ASXL2: variants seen among roughly 807,000 people sequenced by gnomAD.
ASXL2 encodes the protein putative Polycomb group protein ASXL2.
Under a neutral mutation model 122.0 loss-of-function variants are expected in ASXL2, and 23 were observed. The ratio of observed to expected loss-of-function variants is 0.19; its 90% CI spans 0.14 to 0.27. The LOEUF is 0.27. Ranked by LOEUF, ASXL2 falls within the 10% of genes least tolerant of loss-of-function variation. The probability of loss-of-function intolerance (pLI) is 1.00; values close to 1 mark genes in which losing one functional copy is unlikely to be tolerated. For synonymous variants in ASXL2, 650 were observed against 637.0 expected (o/e 1.02, Z -0.31); for missense variants, 1,518 against 1,713.8 (o/e 0.89, Z 2.02).
chr2:25,808,025 T>TCC (rs1553700936), intron 3 of ASXL2, among the ~76,000 whole-genome samples: 4 of 57,488 alleles, frequency 7.0e-5, no homozygotes, highest in Non-Finnish European at 2.0e-4. Flanking sequence ...ACACACACTC[T>TCC]CCACCCCAAA....
At chr2:25,864,397 T>G (rs562093166) in intron 1 of ASXL2, among the ~76,000 whole-genome samples, 1 of 152,150 alleles carries the variant, frequency 6.6e-6, no homozygotes, top group East Asian at 1.9e-4. Flanking sequence ...TGAAATCCAG[T>G]TTCGCAAACT....
chr2:25,743,959 G>A lies in ASXL2; in HGVS notation c.2378C>T (p.Pro793Leu). ...CAATTTCTCTATGTGGGCTGGTGAT[G>A]GGACACTTGTGCATGCTCCACTGAC... ...PAVSGACTSV[P>L]SPAHIEKLDN... The change falls in exon 13 of 13, where the codon CCA (proline) becomes CTA (leucine). Residue 793 changes from proline to leucine, a missense_variant. Physicochemically the swap from Pro to Leu is moderately conservative, Grantham distance 98. Around this residue, in one of 8 missense-constraint regions of ASXL2, gnomAD observed 831 missense variants for 833.1 expected, o/e 1.00. Coordinates refer to ENST00000435504, the MANE Select transcript of ASXL2 (RefSeq NM_018263.6). The A allele has an allele frequency of 1.9e-6, 3 of 1,613,980 alleles. No homozygotes were observed. The highest frequency in any genetic ancestry group is 2.5e-6 in the Non-Finnish European group (3 of 1,179,890).
intron 8 of ASXL2, among the ~76,000 whole-genome samples, chr2:25,761,672 C>CAAA (rs1184631489): frequency 7.0e-5 from 4 of 56,866 alleles, no homozygotes; most frequent in Admixed American, 1.8e-4. Context: ...GACTCCGTCT[C>CAAA]AAAAAAAAAA....
At chr2:25,787,011 A>T (rs191200063) in intron 5 of ASXL2, among the ~76,000 whole-genome samples, 3 of 151,840 alleles carry the variant, frequency 2.0e-5, no homozygotes, top group Admixed American at 2.0e-4. Context: ...AATTGCCATT[A>T]TTCATAAATT....
chr2:25,841,744 G>C, intron 2 of ASXL2, among the ~76,000 whole-genome samples: 1 of 152,122 alleles, frequency 6.6e-6, no homozygotes, highest in East Asian at 1.9e-4. Flanking sequence ...TCAGGAGATC[G>C]AGACCATCCT....
At chr2:25,753,661 A>G in intron 10 of ASXL2, 22 bp from the exon 11 acceptor site, 1 of 1,555,534 alleles carries the variant, frequency 6.4e-7, no homozygotes, top group South Asian at 1.2e-5. Flanking sequence ...CCAAAAAAGG[A>G]TATTCAATAG....
intron 8 of ASXL2, among the ~76,000 whole-genome samples, chr2:25,764,390 CCACA>C (rs1437187404): frequency 6.6e-6 from 1 of 152,050 alleles, no homozygotes; most frequent in African/African-American, 2.4e-5. Context: ...CTGTTGTGGG[CCACA>C]CATAAAATAC....
intron 8 of ASXL2, among the ~76,000 whole-genome samples, chr2:25,765,006 A>G (rs1231561779): frequency 6.6e-6 from 1 of 152,210 alleles, no homozygotes; most frequent in Non-Finnish European, 1.5e-5. Context: ...AATCTATTAT[A>G]TTATACTTGA....
intron 5 of ASXL2, among the ~76,000 whole-genome samples, chr2:25,787,796 A>T (rs1382853641): frequency 1.3e-5 from 2 of 152,184 alleles, no homozygotes; most frequent in Non-Finnish European, 2.9e-5. Flanking sequence ...TAGAACTAAA[A>T]CTGATCTATA....
chr2:25,780,146 T>G (rs2088609633), intron 5 of ASXL2: 1 of 152,160 alleles, frequency 6.6e-6, no homozygotes, highest in African/African-American at 2.4e-5. Flanking sequence ...CCAACATGCC[T>G]GGCCCATTTT....
intron 1 of ASXL2, among the ~76,000 whole-genome samples, chr2:25,873,859 C>T (rs555133541): frequency 5.7e-4 from 86 of 152,082 alleles, no homozygotes; most frequent in African/African-American, 1.9e-3. Context: ...CACACTTGTC[C>T]TTTTGGGACT....
chr2:25,829,186 C>T (rs1436118131), intron 3 of ASXL2, among the ~76,000 whole-genome samples: 1 of 151,952 alleles, frequency 6.6e-6, no homozygotes, highest in African/African-American at 2.4e-5. Flanking sequence ...CACCTGAGCC[C>T]AGAAGGTCGA....
At chr2:25,820,376 T>C (rs2089294618) in intron 3 of ASXL2, among the ~76,000 whole-genome samples, 1 of 152,226 alleles carries the variant, frequency 6.6e-6, no homozygotes. Context: ...GTCTGCAATA[T>C]ACCATATAAA....
rs551210905 is a variant in ASXL2 at position 25,864,894 on chromosome 2, C to T, written c.57+13272G>A. Among the ~76,000 whole-genome samples, 6 of 151,410 alleles carry T rather than the reference C, an allele frequency of 4.0e-5. No individual in the cohort carries two copies. In the South Asian group the frequency reaches 6.2e-4, roughly 16 times the overall value. ...TTGCCCAGGCTGCAGTACAATAGCG[C>T]GATCTCAGCTCACTGCAATCTCCAC... On this transcript the variant is annotated intron_variant, in intron 1 of 12. Transcript: ENST00000435504.
At chr2:25,830,767 G>A (rs936432622) in intron 3 of ASXL2, 5 of 151,280 alleles carry the variant, frequency 3.3e-5, no homozygotes, top group Non-Finnish European at 7.4e-5. Flanking sequence ...AAATCAAATA[G>A]AAATATAAAA....
At chr2:25,751,672 A>T (rs1346727610) in intron 11 of ASXL2, among the ~76,000 whole-genome samples, 4 of 152,054 alleles carry the variant, frequency 2.6e-5, no homozygotes, top group African/African-American at 9.7e-5. Flanking sequence ...AAAGGAGGGA[A>T]TGAACAAATA....
intron 5 of ASXL2, among the ~76,000 whole-genome samples, chr2:25,785,250 G>A (rs934046300): frequency 7.2e-5 from 11 of 152,148 alleles, no homozygotes; most frequent in Non-Finnish European, 1.3e-4. Flanking sequence ...TTTTGAGACA[G>A]AGTCTCGCTC....
In ASXL2 at chr2:25,753,655, A is replaced by G. The variant is rs1467402564; in HGVS notation, c.1037-16T>C. On this transcript the variant is annotated splice_polypyrimidine_tract_variant and intron_variant, in intron 10 of 12. Coordinates refer to ENST00000435504, the MANE Select transcript of ASXL2 (RefSeq NM_018263.6). Reference sequence around the variant, plus strand: ...GTAAACTCACCTGCAATGTACCCAAAAAAGGATATTCAATAGAAAAATGCT... The same window carrying G: ...GTAAACTCACCTGCAATGTACCCAAGAAAGGATATTCAATAGAAAAATGCT... 6.4e-7 allele frequency: 1 copy of G among 1,572,238 alleles called. No individual in the cohort carries two copies. The highest frequency in any genetic ancestry group is 2.2e-5 in the East Asian group (1 of 44,640).
At chr2:25,754,014 T>G (rs982292804) in intron 10 of ASXL2, among the ~76,000 whole-genome samples, 1 of 152,218 alleles carries the variant, frequency 6.6e-6, no homozygotes, top group Non-Finnish European at 1.5e-5. Flanking sequence ...ACTATGCCAC[T>G]GGGCATTTTT....
Sources: gnomAD v4.1 joint callset for allele counts (sites outside exome capture counted in the v4.1 genomes callset) on GRCh38, gnomAD v4.1.1 for gene constraint, gnomAD v4.1.1 regional missense constraint, MANE v1.5 for transcripts, NCBI Gene and HGNC (gene_info 2026-07-23, HGNC 2026-07-21) for gene names.